The following HEMK2 variants were observed in gnomAD, a reference collection of about 807,000 sequenced individuals.
HEMK2 encodes the protein methyltransferase HEMK2.
At chr21:28,606,694 T>C in the HEMK2 span, among the ~76,000 whole-genome samples, 4 of 152,190 alleles carry the variant, frequency 2.6e-5, no homozygotes, top group Admixed American at 6.5e-5. Context: ...TTGAGCAACG[T>C]CTCAATGTGC....
At chr21:28,637,002 G>A in the HEMK2 span, among the ~76,000 whole-genome samples, 49 of 152,274 alleles carry the variant, frequency 3.2e-4, no homozygotes, top group East Asian at 1.5e-3. Flanking sequence ...ATGATTATCC[G>A]ATAATGTCTA....
chr21:28,683,206 A>G, the HEMK2 span, among the ~76,000 whole-genome samples: 1 of 152,120 alleles, frequency 6.6e-6, no homozygotes, highest in Non-Finnish European at 1.5e-5. Flanking sequence ...ACTTTACACA[A>G]TAAAATAGGT....
the HEMK2 span, among the ~76,000 whole-genome samples, chr21:28,647,351 CA>C: frequency 0.56 from 66,548 of 119,222 alleles, 19,674 homozygotes; most frequent in African/African-American, 0.84. Context: ...AAAAAACATA[CA>C]AAAAAATTAG....
the HEMK2 span, among the ~76,000 whole-genome samples, chr21:28,699,151 C>T: frequency 1.3e-5 from 2 of 152,162 alleles, no homozygotes; most frequent in African/African-American, 4.8e-5. Flanking sequence ...CAGAGAAAAT[C>T]TAAACTATGC....
At chr21:28,826,723 C>T in the HEMK2 span, among the ~76,000 whole-genome samples, 293 of 152,328 alleles carry the variant, frequency 1.9e-3, 2 homozygotes, top group African/African-American at 6.7e-3. Context: ...AATCCATCCT[C>T]CCAGCAACTA....
the HEMK2 span, among the ~76,000 whole-genome samples, chr21:28,628,326 G>A: frequency 6.6e-6 from 1 of 152,092 alleles, no homozygotes; most frequent in African/African-American, 2.4e-5. Flanking sequence ...ACTGGATATG[G>A]TTTTAATTGA....
the HEMK2 span, among the ~76,000 whole-genome samples, chr21:28,705,023 T>C: frequency 2.6e-5 from 4 of 152,144 alleles, no homozygotes; most frequent in African/African-American, 7.2e-5. Context: ...TACTTGCTGG[T>C]CTCCCTCTAG....
chr21:28,661,855 A>G, the HEMK2 span, among the ~76,000 whole-genome samples: 6 of 152,188 alleles, frequency 3.9e-5, no homozygotes, highest in Non-Finnish European at 5.9e-5. Flanking sequence ...AATTAACTAA[A>G]TTTACATCTA....
chr21:28,730,143 A>G, the HEMK2 span, among the ~76,000 whole-genome samples: 1 of 152,050 alleles, frequency 6.6e-6, no homozygotes, highest in Non-Finnish European at 1.5e-5. Flanking sequence ...TTTGGGATGC[A>G]AAGGCGGGAG....
the HEMK2 span, among the ~76,000 whole-genome samples, chr21:28,659,063 A>G: frequency 2.6e-5 from 4 of 152,120 alleles, no homozygotes; most frequent in African/African-American, 9.7e-5. Context: ...TCTTAGATAC[A>G]AACTATCAGT....
At chr21:28,804,305 C>A in the HEMK2 span, among the ~76,000 whole-genome samples, 1 of 152,148 alleles carries the variant, frequency 6.6e-6, no homozygotes, top group African/African-American at 2.4e-5. Context: ...TGTTTATCTA[C>A]CATTGCTCCA....
At chr21:28,843,304 A>C in the HEMK2 span, among the ~76,000 whole-genome samples, 6 of 152,246 alleles carry the variant, frequency 3.9e-5, no homozygotes, top group Non-Finnish European at 7.4e-5. Flanking sequence ...GAAACTTACA[A>C]TCATGGCAAA....
At chr21:28,608,176 G>A in the HEMK2 span, among the ~76,000 whole-genome samples, 1 of 152,092 alleles carries the variant, frequency 6.6e-6, no homozygotes, top group Non-Finnish European at 1.5e-5. Context: ...ACACTGACAT[G>A]AAAGAACAGT....
At chr21:28,852,860 C>T in the HEMK2 span, among the ~76,000 whole-genome samples, 3 of 152,190 alleles carry the variant, frequency 2.0e-5, no homozygotes, top group Non-Finnish European at 4.4e-5. Context: ...AATGTCAGAG[C>T]TCAACATAAG....
the HEMK2 span, among the ~76,000 whole-genome samples, chr21:28,762,954 G>A: frequency 6.6e-6 from 1 of 152,130 alleles, no homozygotes; most frequent in Non-Finnish European, 1.5e-5. Context: ...GAGAGCTAGC[G>A]AACCAATTTC....
At chr21:28,623,592 C>T in the HEMK2 span, among the ~76,000 whole-genome samples, 2 of 152,306 alleles carry the variant, frequency 1.3e-5, no homozygotes, top group East Asian at 1.9e-4. Flanking sequence ...CCCAAATGCC[C>T]ATCAGTGATG....
chr21:28,608,728 A>T, the HEMK2 span, among the ~76,000 whole-genome samples: 1 of 152,296 alleles, frequency 6.6e-6, no homozygotes, highest in East Asian at 1.9e-4. Context: ...AGTGGGAGTG[A>T]CACTGGCCTT....
At chr21:28,691,531 G>C in the HEMK2 span, among the ~76,000 whole-genome samples, 3,169 of 152,140 alleles carry the variant, frequency 0.021, 111 homozygotes, top group African/African-American at 0.071. Flanking sequence ...AATCTGGCAT[G>C]ACAAGGTGTT....
At chr21:28,788,279 TACACACACACAC>T in the HEMK2 span, among the ~76,000 whole-genome samples, 1,636 of 147,150 alleles carry the variant, frequency 0.011, 26 homozygotes, top group African/African-American at 0.038. Context: ...CCATCATATA[TACACACACACAC>T]ACACACACAC....
Sources: allele counts gnomAD v4.1 joint callset (sites outside exome capture counted in the v4.1 genomes callset), GRCh38; gene constraint gnomAD v4.1.1; transcripts MANE v1.5; gene names NCBI Gene and HGNC (gene_info 2026-07-23, HGNC 2026-07-21).